The following GABRA5 variants were observed in gnomAD, a reference collection of about 807,000 sequenced individuals.
GABRA5 encodes the protein gamma-aminobutyric acid receptor subunit alpha-5.
Under a neutral mutation model 47.3 loss-of-function variants are expected in GABRA5, and 18 were observed. The ratio of observed to expected loss-of-function variants is 0.38; its 90% CI spans 0.26 to 0.56. GABRA5 has a LOEUF of 0.56. Among genes scored for constraint, GABRA5 ranks in the 20% least tolerant of loss-of-function variants. The probability of loss-of-function intolerance (pLI) is 0.71; values close to 1 mark genes in which losing one functional copy is unlikely to be tolerated. For missense variants in GABRA5, 365 were observed against 599.3 expected (o/e 0.61, Z 4.08); for synonymous variants, 237 against 229.3 (o/e 1.03, Z -0.30).
chr15:26,870,514 C>G (rs1359063201), intron 3 of GABRA5, among the ~76,000 whole-genome samples: 2 of 152,226 alleles, frequency 1.3e-5, no homozygotes, highest in Non-Finnish European at 2.9e-5. Context: ...TGTGTGCACT[C>G]TAACCACACT....
Position 26,871,031 on chromosome 15 carries a change from T to C in GABRA5, c.86+1697T>C, listed in dbSNP as rs573438705. Among the ~76,000 whole-genome samples the C allele has an allele frequency of 3.0e-4, 45 of 152,218 alleles. 1 individual carries two copies. Among genetic ancestry groups the C allele is most frequent in the African/African-American group, 1.1e-3 (44 of 41,530 alleles). ...TGACATGGTGAAACCCCATCTCTAT[T>C]AAAAATACAAAGATTAGCCAGGCCT... On this transcript the variant is annotated intron_variant, in intron 3 of 10. Coordinates refer to ENST00000335625, the MANE Select transcript of GABRA5 (RefSeq NM_000810.4).
In GABRA5 at chr15:26,947,918, G is replaced by C. The variant is rs752291300; in HGVS notation, c.1090-16G>C. The C allele has an allele frequency of 1.3e-6, 2 of 1,557,762 alleles. No homozygotes were observed. Among genetic ancestry groups the C allele is most frequent in the South Asian group, 1.2e-5 (1 of 84,560 alleles). The stretch of plus-strand genomic sequence containing the variant: ...CTGCAAATGGCGTGTCCTTACATTC[G>C]TATTATATTTTGCAGAAAAAGCGTG... On this transcript the variant is annotated splice_polypyrimidine_tract_variant and intron_variant, in intron 10 of 10. Coordinates refer to ENST00000335625, the MANE Select transcript of GABRA5 (RefSeq NM_000810.4).
intron 6 of GABRA5, among the ~76,000 whole-genome samples, chr15:26,905,125 A>G (rs1349319278): frequency 1.3e-5 from 2 of 152,090 alleles, no homozygotes; most frequent in Non-Finnish European, 2.9e-5. Flanking sequence ...ATTTTAAGGT[A>G]TGTTCCTTCA....
chr15:26,902,337 C>G (rs933442847), intron 6 of GABRA5, among the ~76,000 whole-genome samples: 2 of 151,748 alleles, frequency 1.3e-5, no homozygotes, highest in African/African-American at 4.8e-5. Context: ...TTGTTTTTCC[C>G]CTAAATATTA....
chr15:26,898,124 A>G (rs1260241522), intron 6 of GABRA5, among the ~76,000 whole-genome samples: 1 of 152,158 alleles, frequency 6.6e-6, no homozygotes, highest in African/African-American at 2.4e-5. Flanking sequence ...GAAAGAAGAG[A>G]TTTAGGGTTG....
At chr15:26,925,862 G>T (rs2140304098) in intron 7 of GABRA5, among the ~76,000 whole-genome samples, 1 of 152,314 alleles carries the variant, frequency 6.6e-6, no homozygotes, top group Non-Finnish European at 1.5e-5. Context: ...TGGCAGGCAA[G>T]CCCTGAAACA....
At chr15:26,925,247 G>A (rs1042082635) in intron 7 of GABRA5, among the ~76,000 whole-genome samples, 2 of 151,300 alleles carry the variant, frequency 1.3e-5, no homozygotes, top group African/African-American at 4.9e-5. Flanking sequence ...TTTTATCTGA[G>A]GTTCTAATTA....
At chr15:26,895,812 C>CA (rs376170037) in intron 6 of GABRA5, among the ~76,000 whole-genome samples, 8 of 123,264 alleles carry the variant, frequency 6.5e-5, no homozygotes, top group South Asian at 2.7e-4. Context: ...AAGACTCCGT[C>CA]AAAAAAAAAA....
chr15:26,945,168 G>A (rs962775115), intron 10 of GABRA5, among the ~76,000 whole-genome samples: 1 of 152,240 alleles, frequency 6.6e-6, no homozygotes, highest in Admixed American at 6.5e-5. Flanking sequence ...GGAAGGCAGT[G>A]GCGCTGGGGG....
At chr15:26,935,122 G>C (rs1024848313) in intron 7 of GABRA5, among the ~76,000 whole-genome samples, 2 of 152,168 alleles carry the variant, frequency 1.3e-5, no homozygotes, top group African/African-American at 4.8e-5. Context: ...GAACAGTGGA[G>C]CTGAAATGGA....
At chr15:26,933,742 A>G (rs1438443316) in intron 7 of GABRA5, among the ~76,000 whole-genome samples, 2 of 152,082 alleles carry the variant, frequency 1.3e-5, no homozygotes, top group African/African-American at 4.8e-5. Context: ...CTTACTTCCC[A>G]TTTGATCTTG....
chr15:26,890,426 ATTT>A (rs201726196), intron 6 of GABRA5, among the ~76,000 whole-genome samples: 14,525 of 128,574 alleles, frequency 0.11, 691 homozygotes, highest in East Asian at 0.18. Flanking sequence ...AGTCACTTCA[ATTT>A]TTTTTTTTTT....
chr15:26,945,098 G>T (rs1894479515), intron 10 of GABRA5, among the ~76,000 whole-genome samples: 1 of 152,234 alleles, frequency 6.6e-6, no homozygotes, highest in Non-Finnish European at 1.5e-5. Flanking sequence ...GAGAGAAAGG[G>T]TCTTCTAGAA....
intron 7 of GABRA5, among the ~76,000 whole-genome samples, chr15:26,930,161 C>T (rs982642356): frequency 1.4e-4 from 21 of 151,718 alleles, no homozygotes; most frequent in Non-Finnish European, 2.8e-4. Context: ...TACAGGTGCC[C>T]GCCACTACGC....
rs771476809 is a variant in GABRA5 at position 26,943,211 on chromosome 15, G to T, written c.878-4G>T. ...TTTCACTCTGCCCTGCCTGACCCCCGCAGGGGTCACCACGGTGCTGACCAT... is the reference window on the plus strand; with the variant it reads ...TTTCACTCTGCCCTGCCTGACCCCCTCAGGGGTCACCACGGTGCTGACCAT... On this transcript the variant is annotated splice_region_variant and splice_polypyrimidine_tract_variant and intron_variant, in intron 9 of 10. Transcript: ENST00000335625. The T allele has an allele frequency of 6.4e-7, 1 of 1,550,646 alleles. No homozygotes were observed. The highest frequency in any genetic ancestry group is 1.4e-5 in the African/African-American group (1 of 73,086).
chr15:26,934,884 T>C (rs1245613462), intron 7 of GABRA5, among the ~76,000 whole-genome samples: 1 of 152,202 alleles, frequency 6.6e-6, no homozygotes, highest in Non-Finnish European at 1.5e-5. Context: ...GGAAGAAGCC[T>C]GAAGGAAAAC....
intron 10 of GABRA5, 129 bp downstream of exon 10, chr15:26,943,555 T>C (rs999058612): frequency 3.8e-6 from 3 of 792,848 alleles, no homozygotes; most frequent in Non-Finnish European, 6.1e-6. Flanking sequence ...TTTCCTCATA[T>C]TCAAGGCCCT....
At chr15:26,884,795 T>C (rs1466280018) in intron 6 of GABRA5, among the ~76,000 whole-genome samples, 3 of 152,222 alleles carry the variant, frequency 2.0e-5, no homozygotes, top group Non-Finnish European at 1.5e-5. Flanking sequence ...AGCCGCCTTT[T>C]GGAGGGGGTT....
intron 6 of GABRA5, among the ~76,000 whole-genome samples, chr15:26,905,281 G>GT (rs34689301): frequency 0.79 from 119,317 of 150,120 alleles, 47,701 homozygotes; most frequent in Middle Eastern, 0.89. Flanking sequence ...TGGTTGACAA[G>GT]TTTTTTTTTT....
Sources: gnomAD v4.1 joint callset for allele counts (sites outside exome capture counted in the v4.1 genomes callset) on GRCh38, gnomAD v4.1.1 for gene constraint, MANE v1.5 for transcripts, NCBI Gene and HGNC (gene_info 2026-07-23, HGNC 2026-07-21) for gene names.